Variants in MGAT5 observed in about 807,000 individuals in gnomAD.
The protein encoded by MGAT5 is alpha-1,6-mannosylglycoprotein 6-beta-N-acetylglucosaminyltransferase.
Under a neutral mutation model 94.3 loss-of-function variants are expected in MGAT5, and 30 were observed. The ratio of observed to expected loss-of-function variants is 0.32; its 90% CI spans 0.24 to 0.43. MGAT5 has a LOEUF of 0.43. MGAT5 is among the 20% of genes least tolerant of loss of function. The pLI is 1.00. For synonymous variants in MGAT5, 310 were observed against 322.9 expected (o/e 0.96, Z 0.43); for missense variants, 691 against 905.5 (o/e 0.76, Z 3.04).
At chr2:134,172,516 A>G (rs186346806) in intron 1 of MGAT5, among the ~76,000 whole-genome samples, 115 of 152,206 alleles carry the variant, frequency 7.6e-4, no homozygotes, top group Non-Finnish European at 1.3e-3. Context: ...CCTCCCAAGT[A>G]GCTGGGACTG....
At chr2:134,417,722 G>T (rs954976224) in intron 12 of MGAT5, among the ~76,000 whole-genome samples, 1 of 151,904 alleles carries the variant, frequency 6.6e-6, no homozygotes, top group East Asian at 1.9e-4. Flanking sequence ...TCTGTGGTAG[G>T]GGTAGTACTC....
In MGAT5 at chr2:134,270,570, G is replaced by A; in HGVS notation, c.406+20G>A. 6.2e-7 allele frequency: 1 copy of A among 1,613,358 alleles called. No homozygotes were observed. Among genetic ancestry groups the A allele is most frequent in the Non-Finnish European group, 8.5e-7 (1 of 1,179,478 alleles). On this transcript the variant is annotated intron_variant, in intron 2 of 15. Coordinates refer to ENST00000281923, the MANE Select transcript of MGAT5 (RefSeq NM_002410.5). ...TGGCAGGTAAAAATAGCAATTCTCT[G>A]CCCTGATATGGAGTCACACCCTGCT...
rs746936262 is a variant in MGAT5 at position 134,441,874 on chromosome 2, T to C, written c.1986T>C (p.Pro662=). The change falls in exon 15 of 16, where the codon CCT becomes CCC. Residue 662 remains proline (P), a synonymous_variant. Coordinates refer to ENST00000281923, the MANE Select transcript of MGAT5 (RefSeq NM_002410.5). ...VCQESQLICE[P]SFFQHLNKDK... Reference sequence around the variant, plus strand: ...AGGAGAGCCAGCTCATCTGCGAGCCTTCTTTCTTCCAGCACCTCAACAAGG... The same window carrying C: ...AGGAGAGCCAGCTCATCTGCGAGCCCTCTTTCTTCCAGCACCTCAACAAGG... The C allele has an allele frequency of 3.7e-5, 60 of 1,614,014 alleles. No homozygotes were observed. The highest frequency in any genetic ancestry group is 4.9e-5 in the Non-Finnish European group (58 of 1,180,014).
At chr2:134,382,186 T>G (rs965375586) in intron 10 of MGAT5, among the ~76,000 whole-genome samples, 1 of 151,784 alleles carries the variant, frequency 6.6e-6, no homozygotes, top group Non-Finnish European at 1.5e-5. Flanking sequence ...AGCCAGGAGT[T>G]TGAGGCTGTA....
At chr2:134,189,602 G>GTTTTGTTTTTTT (rs1553490380) in intron 1 of MGAT5, among the ~76,000 whole-genome samples, 7 of 84,668 alleles carry the variant, frequency 8.3e-5, no homozygotes, top group Non-Finnish European at 1.1e-4. Flanking sequence ...GTTTTTTTTT[G>GTTTTGTTTTTTT]TTTTTTTTTT....
At chr2:134,287,539 C>T (rs1685088965) in intron 2 of MGAT5, among the ~76,000 whole-genome samples, 1 of 152,106 alleles carries the variant, frequency 6.6e-6, no homozygotes, top group South Asian at 2.1e-4. Context: ...GCTGCTGGGC[C>T]ACCTCCTAGG....
At chr2:134,167,108 G>A (rs1687997525) in intron 1 of MGAT5, among the ~76,000 whole-genome samples, 1 of 152,114 alleles carries the variant, frequency 6.6e-6, no homozygotes, top group East Asian at 1.9e-4. Flanking sequence ...CATTAGCTGA[G>A]GTTGATAAAG....
At chr2:134,395,453 G>A (rs2106267044) in intron 10 of MGAT5, among the ~76,000 whole-genome samples, 1 of 152,314 alleles carries the variant, frequency 6.6e-6, no homozygotes, top group Non-Finnish European at 1.5e-5. Context: ...GTTCCACATG[G>A]GCAGTGATGT....
intron 1 of MGAT5, among the ~76,000 whole-genome samples, chr2:134,145,502 TGCCACTGCACTCCA>T (rs1326928982): frequency 6.6e-6 from 1 of 152,186 alleles, no homozygotes; most frequent in Non-Finnish European, 1.5e-5. Flanking sequence ...GCCGAGGTTG[TGCCACTGCACTCCA>T]GCCTGGGCGA....
At chr2:134,362,749 G>C (rs1028695115) in intron 10 of MGAT5, among the ~76,000 whole-genome samples, 4 of 152,216 alleles carry the variant, frequency 2.6e-5, no homozygotes, top group Non-Finnish European at 5.9e-5. Flanking sequence ...TGCACAGGGA[G>C]AAACTTTACC....
intron 1 of MGAT5, among the ~76,000 whole-genome samples, chr2:134,123,534 C>T (rs889486721): frequency 5.3e-5 from 8 of 152,200 alleles, no homozygotes; most frequent in Non-Finnish European, 1.0e-4. Context: ...CACTGTCTTC[C>T]TTCCTCCTTG....
At chr2:134,355,327 A>G (rs1235531703) in intron 9 of MGAT5, among the ~76,000 whole-genome samples, 2 of 149,474 alleles carry the variant, frequency 1.3e-5, no homozygotes, top group African/African-American at 4.9e-5. Flanking sequence ...CCTTTTTTCC[A>G]CTTAATATAT....
intron 1 of MGAT5, among the ~76,000 whole-genome samples, chr2:134,126,911 T>C (rs1334660960): frequency 6.6e-6 from 1 of 152,092 alleles, no homozygotes. Flanking sequence ...ACCATCTTAT[T>C]TTCACCTCCA....
Position 134,268,830 on chromosome 2 carries a change from G to A in MGAT5, c.242-1556G>A, listed in dbSNP as rs1683863861. 6.6e-6 allele frequency among the ~76,000 whole-genome samples: 1 copy of A among 152,152 alleles called. No individual in the cohort carries two copies. On this transcript the variant is annotated intron_variant, in intron 1 of 15. Transcript: ENST00000281923. This position sits in a 1 kb window ranked among gnomAD's most constrained non-coding sequence, Gnocchi z 4.1. ...TAAGGAAACAGGAATGCCAGAGGTA[G>A]GACTCAAACCTAGGAACTCTGGCTC...
chr2:134,240,549 G>A (rs537745164), intron 1 of MGAT5, among the ~76,000 whole-genome samples: 1 of 151,360 alleles, frequency 6.6e-6, no homozygotes, highest in East Asian at 2.0e-4. Flanking sequence ...ACCATTATAT[G>A]TTACATTATA....
At chr2:134,331,909 T>C (rs539674295) in intron 4 of MGAT5, among the ~76,000 whole-genome samples, 1 of 151,740 alleles carries the variant, frequency 6.6e-6, no homozygotes, top group African/African-American at 2.4e-5. Flanking sequence ...CTCAATGAAA[T>C]AAGAGAGGAT....
At chr2:134,333,398 C>T (rs1426509221) in intron 4 of MGAT5, among the ~76,000 whole-genome samples, 2 of 126,338 alleles carry the variant, frequency 1.6e-5, no homozygotes, top group African/African-American at 3.1e-5. Context: ...AACACATGGA[C>T]ACAGGAAGGG....
At chr2:134,181,959 AACT>A (rs1376689895) in intron 1 of MGAT5, among the ~76,000 whole-genome samples, 3 of 152,208 alleles carry the variant, frequency 2.0e-5, no homozygotes, top group African/African-American at 7.2e-5. Flanking sequence ...GAAGAAACAG[AACT>A]TGAGTTTCTT....
chr2:134,315,308 T>G (rs1448347657), intron 2 of MGAT5, among the ~76,000 whole-genome samples: 1 of 152,194 alleles, frequency 6.6e-6, no homozygotes, highest in Non-Finnish European at 1.5e-5. Flanking sequence ...CCCCAGGCTC[T>G]CATAGACTGT....
Sources: allele counts gnomAD v4.1 joint callset (sites outside exome capture counted in the v4.1 genomes callset), GRCh38; gene constraint gnomAD v4.1.1; non-coding constraint Gnocchi (gnomAD v3.1); transcripts MANE v1.5; gene names NCBI Gene and HGNC (gene_info 2026-07-23, HGNC 2026-07-21).